The following DDR2 variants were observed in gnomAD, a reference collection of about 807,000 sequenced individuals.
DDR2 encodes the protein discoidin domain-containing receptor 2.
A neutral mutation model predicts 94.9 loss-of-function variants in DDR2; 27 were observed. The observed-to-expected ratio is 0.28, with a 90% CI of 0.21 to 0.39. DDR2 has a LOEUF of 0.39. DDR2 is among the 10% of genes least tolerant of loss of function. The pLI is 1.00. For missense variants in DDR2, 783 were observed against 1,076.0 expected (o/e 0.73, Z 3.81); for synonymous variants, 382 against 377.2 (o/e 1.01, Z -0.15).
chr1:162,674,866 A>G lies in DDR2; in HGVS notation c.-28+19492A>G, dbSNP rs77382297. Among the ~76,000 whole-genome samples, 579 of 152,274 alleles carry G rather than the reference A, an allele frequency of 3.8e-3. 2 individuals carry two copies. The highest frequency in any genetic ancestry group is 0.013 in the African/African-American group (553 of 41,562). On this transcript the variant is annotated intron_variant, in intron 2 of 17. Transcript: ENST00000367921. ...TTTTCATGATTTGGATAAGAAGAGA[A>G]ACATTGGGTGGGCATGGTGGCTCAT...
At chr1:162,769,028 C>A (rs1308376214) in intron 11 of DDR2, among the ~76,000 whole-genome samples, 1 of 152,114 alleles carries the variant, frequency 6.6e-6, no homozygotes, top group Admixed American at 6.5e-5. Context: ...CTGTTAGGAC[C>A]ACATTTTAGC....
At chr1:162,764,825 T>TA (rs766135759) in intron 9 of DDR2, among the ~76,000 whole-genome samples, 121 of 132,302 alleles carry the variant, frequency 9.1e-4, no homozygotes, top group East Asian at 1.5e-3. Flanking sequence ...AGACCCTGTT[T>TA]AAAAAAAAAA....
intron 2 of DDR2, among the ~76,000 whole-genome samples, chr1:162,689,570 ACTTAT>A (rs1218012693): frequency 1.1e-5 from 1 of 92,124 alleles, no homozygotes; most frequent in East Asian, 3.0e-4. Flanking sequence ...TATTGGTCTC[ACTTAT>A]TTTTTTTTTT....
rs115980566 is a variant in DDR2, at chr1:162,694,164, C to T, written c.-27-24873C>T. ...GGTAATAGTTTCTTAACTCTGCCTT[C>T]CCGTTTCCATTTTTTTCTCTTCTGA... On this transcript the variant is annotated intron_variant, in intron 2 of 17. Transcript: ENST00000367921. Among the ~76,000 whole-genome samples the T allele has an allele frequency of 4.6e-3, 695 of 152,268 alleles. 6 individuals carry two copies. Among genetic ancestry groups the T allele is most frequent in the African/African-American group, 0.016 (660 of 41,546 alleles).
At chr1:162,763,472 T>C (rs1270056797) in intron 9 of DDR2, among the ~76,000 whole-genome samples, 1 of 151,184 alleles carries the variant, frequency 6.6e-6, no homozygotes, top group African/African-American at 2.4e-5. Flanking sequence ...GTGCTGGGAT[T>C]ACAGATGTGA....
chr1:162,660,836 A>C (rs1320723890), intron 2 of DDR2, among the ~76,000 whole-genome samples: 1 of 152,210 alleles, frequency 6.6e-6, no homozygotes, highest in Non-Finnish European at 1.5e-5. Flanking sequence ...ATGTATTTAC[A>C]TATTGTCTGT....
rs888465475 is a variant in DDR2 at position 162,632,583 on chromosome 1, A to G, written c.-240A>G. ...TTTTTGGGTTGGGGAAACGCAGTGG[A>G]TTATAGCTCTGTTTTCTTCTTTCCA... On this transcript the variant is annotated 5_prime_UTR_variant, in exon 1 of 18. Transcript: ENST00000367921. 6.6e-6 allele frequency: 1 copy of G among 152,230 alleles called. No individual in the cohort carries two copies. The highest frequency in any genetic ancestry group is 2.4e-5 in the African/African-American group (1 of 41,464). 9.4% of individuals were successfully genotyped at this position (152,230 alleles called of 1,614,324 possible). A position where few individuals can be genotyped will look rare whatever the true frequency, so the allele number is the denominator to read the frequency against.
rs142946795 is a variant in DDR2 at position 162,654,681 on chromosome 1, T to A, written c.-191-530T>A. 2.2e-3 allele frequency among the ~76,000 whole-genome samples: 331 copies of A among 152,198 alleles called. 1 individual carries two copies. The highest frequency in any genetic ancestry group is 3.8e-3 in the Non-Finnish European group (259 of 68,016). On this transcript the variant is annotated intron_variant, in intron 1 of 17. Transcript: ENST00000367921. ...GAGTCCTTGAGACCCTTTCAGGAGA[T>A]CCATAGATCAAAATTATTTTAATAA...
intron 10 of DDR2, among the ~76,000 whole-genome samples, chr1:162,766,539 G>A (rs1000692034): frequency 6.6e-6 from 1 of 152,172 alleles, no homozygotes; most frequent in African/African-American, 2.4e-5. Context: ...AGCTACCTTG[G>A]CATGTCTCAA....
chr1:162,675,531 G>A (rs1485428647), intron 2 of DDR2, among the ~76,000 whole-genome samples: 2 of 152,176 alleles, frequency 1.3e-5, no homozygotes, highest in African/African-American at 4.8e-5. Context: ...TGTTAGACCT[G>A]CTAAAGCATG....
rs1313768317 is a variant in DDR2 at position 162,729,296 on chromosome 1, ATATATT to A, written c.82+10153_82+10158del. Among the ~76,000 whole-genome samples the A allele has an allele frequency of 8.3e-3, 276 of 33,054 alleles. 4 individuals are homozygous for A. Among genetic ancestry groups the A allele is most frequent in the African/African-American group, 0.02 (262 of 13,292 alleles). The allele number at this position is 33,054 out of a possible 152,430, so 21.7% of individuals were successfully genotyped here. A position where few individuals can be genotyped will look rare whatever the true frequency, so the allele number is the denominator to read the frequency against. On this transcript the variant is annotated intron_variant, in intron 3 of 17. Coordinates refer to ENST00000367921, the MANE Select transcript of DDR2 (RefSeq NM_006182.4). ...CATATCCATTTATATATATATATAT[ATATATT>A]TTTTTTTTTTTTTTTTTTCCTTGGG...
intron 2 of DDR2, among the ~76,000 whole-genome samples, chr1:162,686,981 T>A (rs1173609593): frequency 2.0e-5 from 3 of 152,250 alleles, no homozygotes; most frequent in African/African-American, 7.2e-5. Flanking sequence ...AATTTCATTT[T>A]CTTTTGTTAA....
At chr1:162,741,006 A>G (rs1017293851) in intron 3 of DDR2, among the ~76,000 whole-genome samples, 1 of 151,864 alleles carries the variant, frequency 6.6e-6, no homozygotes, top group African/African-American at 2.4e-5. Context: ...TATTGGGACA[A>G]ACTTTGGATA....
Position 162,773,522 on chromosome 1 carries a change from C to T in DDR2, c.1782C>T (p.Ala594=). ...GMEKFKDKDF[A]LDVSANQPVL... is the part of the protein sequence containing the mutation. ...AAAAATTCAAAGACAAAGATTTTGC[C>T]CTAGATGTCAGTGCCAACCAGCCTG... Residue 594 remains alanine, a synonymous_variant, in exon 14 of 18, where the codon GCC becomes GCT. Transcript: ENST00000367921. 1 of 1,613,950 alleles carries T rather than the reference C, an allele frequency of 6.2e-7. No homozygotes were observed. The highest frequency in any genetic ancestry group is 8.5e-7 in the Non-Finnish European group (1 of 1,179,914).
intron 7 of DDR2, among the ~76,000 whole-genome samples, chr1:162,756,657 G>A (rs1031621511): frequency 6.6e-6 from 1 of 152,186 alleles, no homozygotes; most frequent in Non-Finnish European, 1.5e-5. Context: ...CAGGAAGGGA[G>A]TGTGGAATTA....
rs544572298 is a variant in DDR2 at position 162,652,666 on chromosome 1, T to G, written c.-191-2545T>G. ...AGTACCCACTATGTGGTAGGAACAT[T>G]TTGTACATAATTACAATTATGCATC... On this transcript the variant is annotated intron_variant, in intron 1 of 17. Transcript: ENST00000367921. 5.9e-5 allele frequency among the ~76,000 whole-genome samples: 9 copies of G among 152,294 alleles called. No homozygotes were observed. In the East Asian group the frequency reaches 1.7e-3, roughly 29 times the overall value.
intron 11 of DDR2, among the ~76,000 whole-genome samples, chr1:162,770,046 T>C (rs1358573144): frequency 1.3e-5 from 2 of 152,186 alleles, no homozygotes; most frequent in Non-Finnish European, 2.9e-5. Context: ...TAATCTTTTT[T>C]TTTTAAGTGT....
chr1:162,640,303 G>A (rs746007294), intron 1 of DDR2, among the ~76,000 whole-genome samples: 42 of 152,104 alleles, frequency 2.8e-4, no homozygotes, highest in Non-Finnish European at 1.0e-4. Flanking sequence ...GCCTCCCAAC[G>A]TGCTGGGATT....
At chr1:162,706,722 C>T (rs1392894118) in intron 2 of DDR2, among the ~76,000 whole-genome samples, 2 of 152,078 alleles carry the variant, frequency 1.3e-5, no homozygotes, top group Non-Finnish European at 2.9e-5. Flanking sequence ...GAGGAGGGCT[C>T]TTTACTTATC....
Sources: allele counts gnomAD v4.1 joint callset (sites outside exome capture counted in the v4.1 genomes callset), GRCh38; gene constraint gnomAD v4.1.1; transcripts MANE v1.5; gene names NCBI Gene and HGNC (gene_info 2026-07-23, HGNC 2026-07-21).